NDEL1: variants seen among roughly 807,000 people sequenced by gnomAD.
NDEL1 encodes nudE neurodevelopment protein 1 like 1, also known as nuclear distribution protein nudE-like 1.
In NDEL1, 9 loss-of-function variants were observed where a neutral mutation model predicts 45.7. That is an observed-to-expected ratio of 0.20 (90% CI 0.12 to 0.34). NDEL1 has a LOEUF of 0.34. NDEL1 is among the 10% of genes least tolerant of loss of function. The pLI, the probability that NDEL1 is intolerant of heterozygous loss-of-function variation, is 1.00. For synonymous variants in NDEL1, 133 were observed against 158.6 expected, an observed-to-expected ratio of 0.84 and a Z score of 1.21; for missense variants, 306 against 406.2, an observed-to-expected ratio of 0.75 and a Z score of 2.12.
At position 8,445,716 on chromosome 17, in the gene NDEL1, A is replaced by G. The variant is rs761784780; in HGVS notation, c.92A>G (p.Gln31Arg). 6.3e-7 allele frequency: 1 copy of G among 1,590,668 alleles called. No homozygotes were observed. Among genetic ancestry groups the G allele is most frequent in the South Asian group, 1.2e-5 (1 of 85,986 alleles). The change falls in exon 3 of 9, where the codon CAG becomes CGG. Residue 31 changes from glutamine (Q) to arginine (R), a missense_variant. Physicochemically the swap from Gln to Arg is conservative, Grantham distance 43. Coordinates refer to ENST00000334527, the MANE Select transcript of NDEL1 (RefSeq NM_030808.5). ...CCCACTTTGTTTCTGATTAGCTTCCAGGAAGCTCGGGATGAGCTAGTTGAA... is the reference window on the plus strand; with the variant it reads ...CCCACTTTGTTTCTGATTAGCTTCCGGGAAGCTCGGGATGAGCTAGTTGAA... ...ELSLKYKQSF[Q>R]EARDELVEFQ...
At chr17:8,463,144 AAC>A (rs1911326485) in intron 8 of NDEL1, 2 of 528,356 alleles carry the variant, frequency 3.8e-6, no homozygotes, top group Non-Finnish European at 3.4e-6. Context: ...GTCTCTCAAA[AAC>A]ACTCTTTTTT....
At chr17:8,413,345 G>A (rs1424794967) in intron 1 of NDEL1, 1 of 152,384 alleles carries the variant, frequency 6.6e-6, no homozygotes, top group Non-Finnish European at 1.5e-5. Flanking sequence ...CCAGAATGGG[G>A]GGCTCCTGAT....
At chr17:8,460,438 G>A (rs972361980) in intron 8 of NDEL1, among the ~76,000 whole-genome samples, 1 of 152,120 alleles carries the variant, frequency 6.6e-6, no homozygotes, top group African/African-American at 2.4e-5. Context: ...ACTGCGATAA[G>A]GTCCCTGTTC....
At chr17:8,472,404 A>G (rs1252542933), downstream of NDEL1, among the ~76,000 whole-genome samples, 2 of 152,228 alleles carry the variant, frequency 1.3e-5, no homozygotes, top group African/African-American at 2.4e-5. Context: ...CTGTAATCCC[A>G]GCACTTTGGG....
chr17:8,441,060 C>T (rs1399955301), intron 1 of NDEL1, among the ~76,000 whole-genome samples: 1 of 152,096 alleles, frequency 6.6e-6, no homozygotes, highest in Non-Finnish European at 1.5e-5. Context: ...GTTCATGGGC[C>T]ACACTACTAG....
At chr17:8,448,409 A>G (rs1910235637) in intron 4 of NDEL1, 141 bp from the exon 5 acceptor site, 2 of 805,746 alleles carry the variant, frequency 2.5e-6, no homozygotes, top group East Asian at 5.4e-5. Context: ...AGTGGTCAGG[A>G]AGGGGCAAGA....
At chr17:8,457,437 C>G (rs1376080804) in intron 7 of NDEL1, among the ~76,000 whole-genome samples, 1 of 152,214 alleles carries the variant, frequency 6.6e-6, no homozygotes, top group Admixed American at 6.5e-5. Context: ...TTTACACATT[C>G]AGCTGACAAT....
intron 1 of NDEL1, among the ~76,000 whole-genome samples, chr17:8,426,782 G>A (rs1274473215): frequency 6.6e-6 from 1 of 152,094 alleles, no homozygotes; most frequent in African/African-American, 2.4e-5. Flanking sequence ...GGGGAGAAAA[G>A]GCCAGACAAA....
chr17:8,442,182 A>G (rs1228663678), intron 1 of NDEL1, among the ~76,000 whole-genome samples: 1 of 152,168 alleles, frequency 6.6e-6, no homozygotes, highest in African/African-American at 2.4e-5. Context: ...TACTGAGCCT[A>G]TGTCAGTGAC....
intron 7 of NDEL1, among the ~76,000 whole-genome samples, chr17:8,458,249 C>T (rs1567740220): frequency 6.6e-6 from 1 of 151,858 alleles, no homozygotes; most frequent in Non-Finnish European, 1.5e-5. Context: ...TTCCATTCCT[C>T]TTAGTCATCT....
rs1204697565 is a variant in NDEL1, at chr17:8,467,041, G to A, written c.*18G>A. ...GTGTGTGAGTGCCTAGCCTCCAGGT[G>A]GGGGCTCCTGCCCTCCTCCAACAAC... On this transcript the variant is annotated 3_prime_UTR_variant, in exon 9 of 9. Transcript: ENST00000334527. The surrounding 1 kb of genome is among the most constrained non-coding windows in gnomAD (Gnocchi z 6.3). The A allele has an allele frequency of 1.2e-6, 2 of 1,613,092 alleles. No individual in the cohort carries two copies. The highest frequency in any genetic ancestry group is 1.7e-6 in the Non-Finnish European group (2 of 1,179,402).
chr17:8,445,385 A>G (rs1462281527), intron 2 of NDEL1, among the ~76,000 whole-genome samples: 1 of 152,206 alleles, frequency 6.6e-6, no homozygotes, highest in Non-Finnish European at 1.5e-5. Flanking sequence ...TGGTAGAAGG[A>G]AATGCCAAAT....
intron 6 of NDEL1, among the ~76,000 whole-genome samples, chr17:8,453,637 T>A (rs1359204316): frequency 6.6e-6 from 1 of 152,206 alleles, no homozygotes; most frequent in Non-Finnish European, 1.5e-5. Flanking sequence ...ATACTATGAT[T>A]CTGAATGGGA....
At chr17:8,432,343 TATAA>T (rs1167751363), upstream of NDEL1, among the ~76,000 whole-genome samples, 206 of 7,990 alleles carry the variant, frequency 0.026, 7 homozygotes, top group South Asian at 0.48. Flanking sequence ...ATATATTATA[TATAA>T]ATATAAATAT....
intron 8 of NDEL1, among the ~76,000 whole-genome samples, chr17:8,461,984 C>T (rs6503118): frequency 0.96 from 146,226 of 152,024 alleles, 70,587 homozygotes; most frequent in East Asian, 1. Flanking sequence ...TACTCCTGCC[C>T]GCCACTTGCC....
At chr17:8,455,688 CAA>C (rs34198702) in intron 7 of NDEL1, among the ~76,000 whole-genome samples, 96,315 of 106,458 alleles carry the variant, frequency 0.9, 43,604 homozygotes, top group South Asian at 0.97. Context: ...GACTCCATCT[CAA>C]AAAAAAAAAA....
chr17:8,444,487 TACAA>T (rs745521088), intron 2 of NDEL1, 130 bp downstream of exon 2: 81 of 639,336 alleles, frequency 1.3e-4, no homozygotes, highest in Middle Eastern at 3.6e-4. Flanking sequence ...ATTGAGATTC[TACAA>T]ACAGTCACCA....
At chr17:8,432,347 A>AAGATATATATATATATTAT (rs1909027319), upstream of NDEL1, among the ~76,000 whole-genome samples, 1 of 58,454 alleles carries the variant, frequency 1.7e-5, no homozygotes, top group African/African-American at 5.0e-5. Context: ...ATTATATATA[A>AAGATATATATATATATTAT]ATATAAATAT....
chr17:8,435,489 GT>G (rs1382323227), upstream of NDEL1, among the ~76,000 whole-genome samples: 1 of 152,236 alleles, frequency 6.6e-6, no homozygotes, highest in Non-Finnish European at 1.5e-5. Context: ...TGCTCCTGAT[GT>G]TCCATTGGGT....
Sources: allele counts gnomAD v4.1 joint callset (sites outside exome capture counted in the v4.1 genomes callset), GRCh38; gene constraint gnomAD v4.1.1; non-coding constraint Gnocchi (gnomAD v3.1); transcripts MANE v1.5; gene names NCBI Gene and HGNC (gene_info 2026-07-23, HGNC 2026-07-21).